Variants in STEAP3 observed in about 807,000 individuals in gnomAD.
The protein encoded by STEAP3 is metalloreductase STEAP3.
A neutral mutation model predicts 34.9 loss-of-function variants in STEAP3; 35 were observed. That is an observed-to-expected ratio of 1.00 (90% CI 0.76 to 1.33). The LOEUF (loss-of-function observed/expected upper bound fraction) is 1.33. Ranked by LOEUF, STEAP3 falls within the 40% of genes most tolerant of loss-of-function variation. STEAP3 has a pLI of 0.00. For synonymous variants in STEAP3, 281 were observed against 301.6 expected (o/e 0.93, Z 0.71); for missense variants, 652 against 667.6 (o/e 0.98, Z 0.26).
Position 119,245,949 on chromosome 2 carries a change from C to T in STEAP3, c.483C>T (p.Ala161=), listed in dbSNP as rs757669030. Reference sequence around the variant, plus strand: ...TCAAGGCCTTCAATGTCATCTCTGCCTGGACCCTGCAGGCTGGCCCAAGGG... The same window carrying T: ...TCAAGGCCTTCAATGTCATCTCTGCTTGGACCCTGCAGGCTGGCCCAAGGG... ...TVVKAFNVIS[A]WTLQAGPRDG... The change falls in exon 3 of 6, where the codon GCC becomes GCT. Residue 161 remains alanine, a synonymous_variant. Coordinates refer to ENST00000393110, the MANE Select transcript of STEAP3 (RefSeq NM_182915.3). The T allele has an allele frequency of 3.1e-6, 5 of 1,613,684 alleles. No homozygotes were observed. The South Asian group carries it at 4.4e-5, about 14-fold the overall frequency.
intron 3 of STEAP3, 95 bp from the exon 4 acceptor site, chr2:119,247,583 GC>G: frequency 1.5e-6 from 2 of 1,366,694 alleles, no homozygotes; most frequent in South Asian, 3.0e-5. Context: ...ACAAGTCCCT[GC>G]CCCTCTGGCC....
At position 119,247,965 on chromosome 2, in the gene STEAP3, C is replaced by T. The variant is rs1365093567; in HGVS notation, c.809C>T (p.Pro270Leu). 19 of 1,613,298 alleles carry T rather than the reference C, an allele frequency of 1.2e-5. No individual in the cohort carries two copies. Among genetic ancestry groups the T allele is most frequent in the Non-Finnish European group, 1.5e-5 (18 of 1,179,984 alleles). The change falls in exon 4 of 6, where the codon CCG becomes CTG. Residue 270 changes from proline to leucine, a missense_variant. Pro to Leu is a moderately conservative substitution (Grantham distance 98). Coordinates refer to ENST00000393110, the MANE Select transcript of STEAP3 (RefSeq NM_182915.3). Reference sequence around the variant, plus strand: ...GTGTCCGTGGTCAACACCACACTGCCGTGCGTGGCCTACGTGCTGCTGTCA... The same window carrying T: ...GTGTCCGTGGTCAACACCACACTGCTGTGCGTGGCCTACGTGCTGCTGTCA... Reference protein sequence around the residue: ...LPVSVVNTTLPCVAYVLLSLV... With the variant: ...LPVSVVNTTLLCVAYVLLSLV...
intron 2 of STEAP3, chr2:119,244,750 C>T (rs1677356135): frequency 6.6e-6 from 1 of 152,122 alleles, no homozygotes; most frequent in South Asian, 2.1e-4. Flanking sequence ...GGCCCGAGTT[C>T]AGGGTTTCCT....
At chr2:119,225,273 T>C (rs1679002824) in intron 1 of STEAP3, among the ~76,000 whole-genome samples, 1 of 152,120 alleles carries the variant, frequency 6.6e-6, no homozygotes, top group East Asian at 1.9e-4. Flanking sequence ...GCTTAGTGAA[T>C]GTCTAATGGG....
intron 4 of STEAP3, among the ~76,000 whole-genome samples, chr2:119,250,445 T>C (rs2104831027): frequency 7.2e-6 from 1 of 138,052 alleles, no homozygotes; most frequent in African/African-American, 2.7e-5. Flanking sequence ...CTAGTGCTAA[T>C]GTTTTCAATG....
intron 4 of STEAP3, among the ~76,000 whole-genome samples, chr2:119,250,052 T>A (rs549928394): frequency 6.6e-6 from 1 of 152,284 alleles, no homozygotes; most frequent in South Asian, 2.1e-4. Flanking sequence ...AGGGGTCAAG[T>A]AACTTGGCCA....
chr2:119,233,721 G>T (rs116104137), intron 2 of STEAP3, among the ~76,000 whole-genome samples: 164 of 152,290 alleles, frequency 1.1e-3, no homozygotes, highest in Non-Finnish European at 2.1e-3. Context: ...CAATGTTAAT[G>T]TGACAAAAAG....
At chr2:119,236,122 A>G (rs538356060) in intron 2 of STEAP3, among the ~76,000 whole-genome samples, 1 of 152,128 alleles carries the variant, frequency 6.6e-6, no homozygotes, top group African/African-American at 2.4e-5. Context: ...TTTAAAGTAA[A>G]TTTTTCCATT....
At chr2:119,251,244 C>T (rs1166642607) in intron 4 of STEAP3, among the ~76,000 whole-genome samples, 2 of 152,182 alleles carry the variant, frequency 1.3e-5, no homozygotes, top group African/African-American at 4.8e-5. Context: ...GGCCACTCAC[C>T]ACCCCAACTG....
intron 4 of STEAP3, among the ~76,000 whole-genome samples, chr2:119,250,745 T>G (rs1677599542): frequency 6.6e-6 from 1 of 152,154 alleles, no homozygotes; most frequent in African/African-American, 2.4e-5. Context: ...AGGCTCTCCC[T>G]GATATTCTGT....
At chr2:119,241,609 C>T (rs1389051125) in intron 2 of STEAP3, among the ~76,000 whole-genome samples, 2 of 152,204 alleles carry the variant, frequency 1.3e-5, no homozygotes, top group African/African-American at 4.8e-5. Context: ...GGTGCAGCAG[C>T]TCCTGTTAGA....
chr2:119,226,057 CCAGG>C (rs1679030968), intron 1 of STEAP3, among the ~76,000 whole-genome samples: 1 of 152,228 alleles, frequency 6.6e-6, no homozygotes, highest in African/African-American at 2.4e-5. Context: ...AGAGTGGCCT[CCAGG>C]TTCCGTGCTC....
At chr2:119,248,243 AG>A (rs1443214040) in intron 4 of STEAP3, 37 bp downstream of exon 4, 1 of 1,534,310 alleles carries the variant, frequency 6.5e-7, no homozygotes, top group Non-Finnish European at 8.8e-7. Flanking sequence ...CTGGCAACTC[AG>A]CACATGCTTG....
At chr2:119,238,577 A>T (rs838092) in intron 2 of STEAP3, among the ~76,000 whole-genome samples, 54,163 of 152,044 alleles carry the variant, frequency 0.36, 10,010 homozygotes, top group Non-Finnish European at 0.42. Context: ...CTCCATTCTG[A>T]GTTGGCTTTG....
chr2:119,244,805 C>T (rs1292708879), intron 2 of STEAP3: 1 of 152,188 alleles, frequency 6.6e-6, no homozygotes, highest in Non-Finnish European at 1.5e-5. Flanking sequence ...GATCACAGGG[C>T]ACCCACTCTA....
Position 119,263,382 on chromosome 2 carries a change from T to G in STEAP3, c.*44T>G, listed in dbSNP as rs1245152883. 1 of 1,590,652 alleles carries G rather than the reference T, an allele frequency of 6.3e-7. No homozygotes were observed. Among genetic ancestry groups the G allele is most frequent in the Non-Finnish European group, 8.6e-7 (1 of 1,169,196 alleles). On this transcript the variant is annotated 3_prime_UTR_variant, in exon 6 of 6. Coordinates refer to ENST00000393110, the MANE Select transcript of STEAP3 (RefSeq NM_182915.3). The stretch of plus-strand genomic sequence containing the variant: ...TGGACCCCGGGCACACGAGGGACGG[T>G]GCCCTGAGCCCGTTAGGTTTTCTTT...
intron 5 of STEAP3, chr2:119,257,874 G>T: frequency 3.2e-6 from 1 of 308,172 alleles, no homozygotes; most frequent in Non-Finnish European, 4.7e-6. Context: ...TCCCGATCCA[G>T]ACCCCAAGAG....
At position 119,245,773 on chromosome 2, in the gene STEAP3, C is replaced by T. The variant is rs140512748; in HGVS notation, c.307C>T (p.Arg103Trp). ...GGAGGTCATCTTTGTGGCTGTGTTC[C>T]GGGAGCACTACTCTTCACTGTGCAG... ...SPEVIFVAVF[R>W]EHYSSLCSLS... is the part of the protein sequence containing the mutation. The change falls in exon 3 of 6, where the codon CGG becomes TGG. Residue 103 changes from arginine to tryptophan, a missense_variant. Coordinates refer to ENST00000393110, the MANE Select transcript of STEAP3 (RefSeq NM_182915.3). 15 of 1,614,050 alleles carry T rather than the reference C, an allele frequency of 9.3e-6. No homozygotes were observed. Among genetic ancestry groups the T allele is most frequent in the South Asian group, 6.6e-5 (6 of 91,086 alleles).
intron 5 of STEAP3, among the ~76,000 whole-genome samples, chr2:119,260,935 G>A (rs1008574241): frequency 1.3e-5 from 2 of 152,220 alleles, no homozygotes; most frequent in Admixed American, 1.3e-4. Flanking sequence ...AACCAGAGAG[G>A]GTGAGGAAGG....
Sources: gnomAD v4.1 joint callset for allele counts (sites outside exome capture counted in the v4.1 genomes callset) on GRCh38, gnomAD v4.1.1 for gene constraint, MANE v1.5 for transcripts, NCBI Gene and HGNC (gene_info 2026-07-23, HGNC 2026-07-21) for gene names.